The following BBS9 variants were observed in gnomAD, a reference collection of about 807,000 sequenced individuals.
BBS9 encodes Bardet-Biedl syndrome 9.
BBS9 carries 89 observed loss-of-function variants against 117.7 expected under a neutral mutation model. The observed-to-expected ratio is 0.76, with a 90% confidence interval of 0.64 to 0.90. The LOEUF (loss-of-function observed/expected upper bound fraction) is 0.90. BBS9 is among the 40% of genes least tolerant of loss of function. The pLI is 0.00. For synonymous variants in BBS9, 379 were observed against 370.9 expected (o/e 1.02, Z -0.25); for missense variants, 982 against 1,042.2 (o/e 0.94, Z 0.80).
intron 20 of BBS9, among the ~76,000 whole-genome samples, chr7:33,518,089 TTC>T (rs1848064315): frequency 6.6e-6 from 1 of 152,150 alleles, no homozygotes; most frequent in African/African-American, 2.4e-5. Context: ...GTATAGATCT[TTC>T]TGTCATGAAT....
At chr7:33,583,427 T>C (rs1860346675) in intron 21 of BBS9, among the ~76,000 whole-genome samples, 1 of 152,158 alleles carries the variant, frequency 6.6e-6, no homozygotes, top group Admixed American at 6.6e-5. Flanking sequence ...TTTATATATA[T>C]ATTTCTCACA....
chr7:33,393,991 C>A (rs1827516821), intron 19 of BBS9, among the ~76,000 whole-genome samples: 1 of 152,256 alleles, frequency 6.6e-6, no homozygotes, highest in East Asian at 1.9e-4. Flanking sequence ...TTTTTGCTAG[C>A]ATGCCTTGCC....
At chr7:33,246,088 G>A (rs1347888050) in intron 5 of BBS9, among the ~76,000 whole-genome samples, 2 of 152,072 alleles carry the variant, frequency 1.3e-5, no homozygotes, top group Middle Eastern at 3.2e-3. Context: ...TTTACTAAAC[G>A]TGGTATTTTA....
At chr7:33,140,197 T>C (rs566413980) in intron 1 of BBS9, among the ~76,000 whole-genome samples, 1 of 152,108 alleles carries the variant, frequency 6.6e-6, no homozygotes, top group Non-Finnish European at 1.5e-5. Flanking sequence ...GCTAATTTTT[T>C]GTATTTTTAG....
chr7:33,190,494 T>C (rs1167984867), intron 5 of BBS9, among the ~76,000 whole-genome samples: 1 of 152,220 alleles, frequency 6.6e-6, no homozygotes, highest in Non-Finnish European at 1.5e-5. Flanking sequence ...ACTCCCTTGG[T>C]TGCAACTAAC....
At chr7:33,511,183 A>C (rs1452313981) in intron 20 of BBS9, among the ~76,000 whole-genome samples, 1 of 152,072 alleles carries the variant, frequency 6.6e-6, no homozygotes, top group Non-Finnish European at 1.5e-5. Flanking sequence ...GGTCACTGTC[A>C]CTTAGAGTTG....
chr7:33,630,231 C>G (rs1461826653), intron 21 of BBS9, among the ~76,000 whole-genome samples: 1 of 152,046 alleles, frequency 6.6e-6, no homozygotes, highest in Non-Finnish European at 1.5e-5. Context: ...AGCCATGTAA[C>G]AAAAGCAAAT....
intron 21 of BBS9, among the ~76,000 whole-genome samples, chr7:33,602,174 A>G (rs1413750251): frequency 3.3e-5 from 5 of 150,354 alleles, no homozygotes; most frequent in Admixed American, 3.3e-4. Flanking sequence ...GCCTCTTTCC[A>G]AGAGCCATGA....
chr7:33,179,925 G>C (rs1797861046), intron 5 of BBS9, among the ~76,000 whole-genome samples: 1 of 152,108 alleles, frequency 6.6e-6, no homozygotes, highest in African/African-American at 2.4e-5. Flanking sequence ...TCAGTTCTTT[G>C]TCCTTCATTT....
At chr7:33,543,959 A>C (rs1458868629) in intron 21 of BBS9, among the ~76,000 whole-genome samples, 1 of 151,544 alleles carries the variant, frequency 6.6e-6, no homozygotes, top group African/African-American at 2.4e-5. Context: ...TCGAGCTCTG[A>C]TTTTTTTTCT....
At chr7:33,148,342 G>A (rs1230830869) in intron 2 of BBS9, among the ~76,000 whole-genome samples, 1 of 152,098 alleles carries the variant, frequency 6.6e-6, no homozygotes, top group African/African-American at 2.4e-5. Context: ...GGGAAGTGTG[G>A]GAAGAGTAGT....
chr7:33,584,265 TATATC>T (rs755184937), intron 21 of BBS9, among the ~76,000 whole-genome samples: 9 of 152,090 alleles, frequency 5.9e-5, no homozygotes, highest in Non-Finnish European at 1.2e-4. Context: ...GGTCTACAAT[TATATC>T]ATCTGGAAAT....
intron 17 of BBS9, among the ~76,000 whole-genome samples, chr7:33,368,157 TAAG>T (rs1310820456): frequency 6.6e-6 from 1 of 152,182 alleles, no homozygotes; most frequent in African/African-American, 2.4e-5. Flanking sequence ...GTCTTGGAGC[TAAG>T]AAGAGTCTAA....
Position 33,166,610 on chromosome 7 carries a change from T to G in BBS9, c.329-10868T>G, listed in dbSNP as rs147007157. Among the ~76,000 whole-genome samples the G allele has an allele frequency of 7.8e-3, 1,188 of 152,344 alleles. 5 individuals carry two copies. Among genetic ancestry groups the G allele is most frequent in the Middle Eastern group, 0.027 (8 of 294 alleles). On this transcript the variant is annotated intron_variant, in intron 4 of 22. Coordinates refer to ENST00000242067, the MANE Select transcript of BBS9 (RefSeq NM_198428.3). ...GCCAGGCTGCTGCCTCACAGGTTGA[T>G]CTCAGACTGCTGCGCTAGTAGTGAG...
chr7:33,493,368 T>C (rs1844284086), intron 19 of BBS9, among the ~76,000 whole-genome samples: 1 of 152,174 alleles, frequency 6.6e-6, no homozygotes, highest in Admixed American at 6.5e-5. Flanking sequence ...CAGCACACAC[T>C]TGATGTGGCA....
intron 17 of BBS9, among the ~76,000 whole-genome samples, chr7:33,368,554 G>A (rs999980382): frequency 4.1e-5 from 6 of 145,594 alleles, no homozygotes; most frequent in Admixed American, 6.8e-5. Context: ...AGTATTTAAC[G>A]AATCTGTATT....
intron 19 of BBS9, among the ~76,000 whole-genome samples, chr7:33,477,916 T>C (rs959145195): frequency 1.5e-4 from 23 of 152,232 alleles, no homozygotes; most frequent in African/African-American, 4.8e-4. Context: ...GTGTCATCTT[T>C]TGTTTGGTAT....
At chr7:33,139,796 A>T (rs1791150786) in intron 1 of BBS9, among the ~76,000 whole-genome samples, 1 of 152,130 alleles carries the variant, frequency 6.6e-6, no homozygotes, top group African/African-American at 2.4e-5. Context: ...TGAGCAGAGG[A>T]TCACTTACTC....
intron 20 of BBS9, among the ~76,000 whole-genome samples, chr7:33,524,406 G>C (rs1347890897): frequency 6.6e-6 from 1 of 152,088 alleles, no homozygotes; most frequent in African/African-American, 2.4e-5. Flanking sequence ...GTAAACTATT[G>C]ATTATTGCCA....
Sources: gnomAD v4.1 joint callset for allele counts (sites outside exome capture counted in the v4.1 genomes callset) on GRCh38, gnomAD v4.1.1 for gene constraint, MANE v1.5 for transcripts, NCBI Gene and HGNC (gene_info 2026-07-23, HGNC 2026-07-21) for gene names.